Variants in ANKS1B observed in about 807,000 individuals in gnomAD.
The protein encoded by ANKS1B is ankyrin repeat and sterile alpha motif domain-containing protein 1B.
ANKS1B carries 36 observed loss-of-function variants against 148.3 expected under a neutral mutation model. That is an observed-to-expected ratio of 0.24 (90% CI 0.19 to 0.32). The LOEUF is 0.32. Ranked by LOEUF, ANKS1B falls within the 10% of genes least tolerant of loss-of-function variation. The pLI is 1.00. For synonymous variants in ANKS1B, 542 were observed against 560.8 expected (o/e 0.97, Z 0.47); for missense variants, 1,157 against 1,542.6 (o/e 0.75, Z 4.19).
intron 1 of ANKS1B, among the ~76,000 whole-genome samples, chr12:99,934,443 G>A (rs886812833): frequency 6.6e-6 from 1 of 152,042 alleles, no homozygotes; most frequent in African/African-American, 2.4e-5. Flanking sequence ...GCTCAGTCTT[G>A]TCAGTTGTTA....
intron 12 of ANKS1B, among the ~76,000 whole-genome samples, chr12:99,391,951 AG>A (rs11308143): frequency 0.11 from 16,209 of 152,310 alleles, 870 homozygotes; most frequent in Non-Finnish European, 0.12. Flanking sequence ...ACTTGCCTCT[AG>A]GGTACCTAAA....
intron 14 of ANKS1B, among the ~76,000 whole-genome samples, chr12:99,199,102 A>G (rs58709328): frequency 5.9e-5 from 9 of 152,140 alleles, no homozygotes; most frequent in Non-Finnish European, 1.3e-4. Context: ...CCAGCCCCAG[A>G]CAAACTTTCA....
At chr12:99,116,389 T>A (rs952516986) in intron 15 of ANKS1B, among the ~76,000 whole-genome samples, 2 of 152,216 alleles carry the variant, frequency 1.3e-5, no homozygotes, top group African/African-American at 4.8e-5. Flanking sequence ...TCATTCACCA[T>A]CTGAAAACAC....
chr12:99,460,062 C>T (rs906446968), intron 10 of ANKS1B, among the ~76,000 whole-genome samples: 4 of 151,904 alleles, frequency 2.6e-5, no homozygotes, highest in African/African-American at 7.2e-5. Context: ...AACATATGGA[C>T]CAATGGAACT....
rs1555250600 is a variant in ANKS1B, at chr12:99,928,273, T to TTA, written c.134+55830_134+55831insTA. Among the ~76,000 whole-genome samples, 279 of 82,566 alleles carry TTA rather than the reference T, an allele frequency of 3.4e-3. 2 individuals are homozygous for TTA. The highest frequency in any genetic ancestry group is 0.016 in the Middle Eastern group (2 of 122). 54.2% of individuals were successfully genotyped at this position (82,566 alleles called of 152,430 possible). A position where few individuals can be genotyped will look rare whatever the true frequency, so the allele number is the denominator to read the frequency against. On this transcript the variant is annotated intron_variant, in intron 1 of 26. Coordinates refer to ENST00000683438, the MANE Select transcript of ANKS1B (RefSeq NM_001352186.2). ...CACCTATTATTTTATTTTATTTTAT[T>TTA]TTTTTTTTTTTTTTTTGAGACGGAG...
At chr12:98,743,535 C>G (rs2097822072), downstream of ANKS1B, among the ~76,000 whole-genome samples, 1 of 150,994 alleles carries the variant, frequency 6.6e-6, no homozygotes, top group African/African-American at 2.5e-5. Context: ...TGGGCCGCCT[C>G]TCATCTGCCC....
chr12:99,369,994 A>G (rs1442097755), intron 12 of ANKS1B, among the ~76,000 whole-genome samples: 1 of 152,174 alleles, frequency 6.6e-6, no homozygotes, highest in Non-Finnish European at 1.5e-5. Flanking sequence ...ATTTTAGTTA[A>G]AAAATGTGGT....
intron 14 of ANKS1B, among the ~76,000 whole-genome samples, chr12:99,235,156 G>A (rs1382738177): frequency 2.6e-5 from 4 of 152,176 alleles, no homozygotes; most frequent in Admixed American, 2.6e-4. Context: ...AATAATTTGT[G>A]TATTTGTTTA....
At chr12:99,321,806 C>A in intron 12 of ANKS1B, among the ~76,000 whole-genome samples, 1 of 152,140 alleles carries the variant, frequency 6.6e-6, no homozygotes, top group Non-Finnish European at 1.5e-5. Context: ...TCTTCCTATT[C>A]GGCCATCTTG....
intron 14 of ANKS1B, among the ~76,000 whole-genome samples, chr12:99,165,602 A>C (rs1311302215): frequency 1.3e-5 from 2 of 151,948 alleles, no homozygotes; most frequent in Non-Finnish European, 1.5e-5. Flanking sequence ...CTAGCTCTCT[A>C]CCTATTGAAG....
At chr12:99,421,126 A>G (rs2095066925) in intron 11 of ANKS1B, among the ~76,000 whole-genome samples, 1 of 152,230 alleles carries the variant, frequency 6.6e-6, no homozygotes, top group African/African-American at 2.4e-5. Flanking sequence ...AAGGATTGAT[A>G]AGTATTCATC....
intron 17 of ANKS1B, among the ~76,000 whole-genome samples, chr12:98,879,674 GAC>G (rs2099701552): frequency 6.6e-6 from 1 of 151,472 alleles, no homozygotes; most frequent in African/African-American, 2.4e-5. Context: ...AAAATTCTTT[GAC>G]AGTGTCTGCA....
At chr12:99,725,149 T>A (rs777656805) in intron 8 of ANKS1B, among the ~76,000 whole-genome samples, 1 of 152,078 alleles carries the variant, frequency 6.6e-6, no homozygotes, top group South Asian at 2.1e-4. Flanking sequence ...CAAAATCACA[T>A]ATAACAATAT....
chr12:99,491,744 G>A (rs2096557678), intron 10 of ANKS1B, among the ~76,000 whole-genome samples: 1 of 151,994 alleles, frequency 6.6e-6, no homozygotes, highest in Admixed American at 6.6e-5. Context: ...CTAGCTCCAA[G>A]GCTCAAAAAA....
At chr12:99,383,866 AAG>A (rs1173443026) in intron 12 of ANKS1B, among the ~76,000 whole-genome samples, 1 of 139,600 alleles carries the variant, frequency 7.2e-6, no homozygotes, top group East Asian at 2.1e-4. Flanking sequence ...AAAAAAAAAA[AAG>A]AAAAGAAAAG....
intron 8 of ANKS1B, among the ~76,000 whole-genome samples, chr12:99,758,575 A>C (rs2153604211): frequency 6.6e-6 from 1 of 151,952 alleles, no homozygotes; most frequent in Non-Finnish European, 1.5e-5. Context: ...AATATTTACC[A>C]GGGAAATAAT....
chr12:99,306,052 G>C (rs898808571), intron 12 of ANKS1B, among the ~76,000 whole-genome samples: 2 of 151,992 alleles, frequency 1.3e-5, no homozygotes, highest in African/African-American at 4.8e-5. Flanking sequence ...TGAACTCCAG[G>C]GGTTTTCTGG....
intron 12 of ANKS1B, among the ~76,000 whole-genome samples, chr12:99,391,000 T>C (rs1188985715): frequency 1.3e-5 from 2 of 152,224 alleles, no homozygotes; most frequent in Non-Finnish European, 2.9e-5. Context: ...GACCTAAATA[T>C]GCCACCTGCA....
chr12:98,805,905 T>G (rs2099047190), intron 20 of ANKS1B, among the ~76,000 whole-genome samples: 1 of 152,236 alleles, frequency 6.6e-6, no homozygotes, highest in Non-Finnish European at 1.5e-5. Context: ...GGAGTCTCCC[T>G]CTGTCACCCA....
Sources: gnomAD v4.1 joint callset for allele counts (sites outside exome capture counted in the v4.1 genomes callset) on GRCh38, gnomAD v4.1.1 for gene constraint, MANE v1.5 for transcripts, NCBI Gene and HGNC (gene_info 2026-07-23, HGNC 2026-07-21) for gene names.